Variants in VAV3 observed in about 807,000 individuals in gnomAD.
VAV3 encodes guanine nucleotide exchange factor VAV3.
VAV3 carries 94 observed loss-of-function variants against 131.2 expected under a neutral mutation model. That is an observed-to-expected ratio of 0.72 (90% confidence interval 0.61 to 0.85). The LOEUF (loss-of-function observed/expected upper bound fraction) is 0.85, where lower values mean the gene tolerates loss of function less well. Ranked by LOEUF, VAV3 falls within the 40% of genes least tolerant of loss-of-function variation. The pLI is 0.00. For missense variants in VAV3, 939 were observed against 1,002.7 expected (o/e 0.94, Z 0.86); for synonymous variants, 349 against 342.0 (o/e 1.02, Z -0.22).
At chr1:107,675,829 CAG>C (rs1372118269) in intron 19 of VAV3, among the ~76,000 whole-genome samples, 5 of 152,206 alleles carry the variant, frequency 3.3e-5, no homozygotes, top group Non-Finnish European at 5.9e-5. Flanking sequence ...GGTACCATGA[CAG>C]GGCTACAAGA....
At chr1:107,655,271 C>G (rs1200094874) in intron 19 of VAV3, among the ~76,000 whole-genome samples, 2 of 152,036 alleles carry the variant, frequency 1.3e-5, no homozygotes, top group Non-Finnish European at 2.9e-5. Flanking sequence ...GGCATAAAAA[C>G]AGACACATAG....
intron 2 of VAV3, among the ~76,000 whole-genome samples, chr1:107,830,370 T>C (rs1182550294): frequency 6.6e-6 from 1 of 151,896 alleles, no homozygotes; most frequent in Non-Finnish European, 1.5e-5. Context: ...GATCAGCCAA[T>C]TTGTTTTAAA....
chr1:107,962,676 G>A (rs1338488670), intron 1 of VAV3, among the ~76,000 whole-genome samples: 3 of 152,196 alleles, frequency 2.0e-5, no homozygotes, highest in Admixed American at 1.3e-4. Flanking sequence ...ACCAGGCTCA[G>A]GTACTAGCCT....
At chr1:107,584,959 T>C (rs143051084) in intron 25 of VAV3, among the ~76,000 whole-genome samples, 11 of 152,268 alleles carry the variant, frequency 7.2e-5, no homozygotes, top group South Asian at 2.1e-4. Context: ...TAAGATATCA[T>C]AGGAGATATA....
At chr1:107,613,849 A>AT (rs892404702) in intron 21 of VAV3, among the ~76,000 whole-genome samples, 14 of 151,986 alleles carry the variant, frequency 9.2e-5, no homozygotes, top group Non-Finnish European at 2.1e-4. Context: ...ATGTGGAATA[A>AT]TTTTTTTAAT....
At chr1:107,800,935 G>A (rs549089211) in intron 2 of VAV3, among the ~76,000 whole-genome samples, 18 of 152,140 alleles carry the variant, frequency 1.2e-4, no homozygotes, top group Admixed American at 5.9e-4. Flanking sequence ...TGTTTTCTTC[G>A]AGTAGTTTCA....
intron 1 of VAV3, among the ~76,000 whole-genome samples, chr1:107,946,099 T>C (rs2101305161): frequency 6.6e-6 from 1 of 152,176 alleles, no homozygotes; most frequent in African/African-American, 2.4e-5. Flanking sequence ...ATAAGATTAA[T>C]GTTTTGGCTA....
At chr1:107,657,877 A>G (rs748173909) in intron 19 of VAV3, among the ~76,000 whole-genome samples, 1 of 152,254 alleles carries the variant, frequency 6.6e-6, no homozygotes, top group Non-Finnish European at 1.5e-5. Context: ...CAACTTAATC[A>G]TTAGTACAGT....
Position 107,587,300 on chromosome 1 carries a change from C to T in VAV3, c.2350+8912G>A, listed in dbSNP as rs370205249. On this transcript the variant is annotated intron_variant, in intron 25 of 26. Transcript: ENST00000370056. ...AGCAAGAGAGCTGCAGAGTTAAAAC[C>T]TGCTACCTTATGCAGATTTGGGATT... Among the ~76,000 whole-genome samples, 13 of 152,278 alleles carry T rather than the reference C, an allele frequency of 8.5e-5. No individual in the cohort carries two copies. The East Asian group carries it at 2.3e-3, about 27-fold the overall frequency.
rs551962088 is a variant in VAV3, at chr1:107,633,234, GA to G, written c.1914+9384del. On this transcript the variant is annotated intron_variant, in intron 20 of 26. Coordinates refer to ENST00000370056, the MANE Select transcript of VAV3 (RefSeq NM_006113.5). ...TAAGTTTTACAAATCTAAGGTTTAA[GA>G]AAAAAAAGATGAAAAGAAACAGAGC... Among the ~76,000 whole-genome samples the G allele has an allele frequency of 3.1e-3, 471 of 151,906 alleles. 2 individuals carry two copies. Among genetic ancestry groups the G allele is most frequent in the African/African-American group, 0.011 (438 of 41,458 alleles).
chr1:107,936,987 G>A (rs1233415136), intron 1 of VAV3, among the ~76,000 whole-genome samples: 1 of 152,058 alleles, frequency 6.6e-6, no homozygotes, highest in Non-Finnish European at 1.5e-5. Context: ...AAGACTACGG[G>A]AAATGGGAGG....
intron 1 of VAV3, among the ~76,000 whole-genome samples, chr1:107,893,819 T>C (rs975292264): frequency 6.6e-6 from 1 of 152,214 alleles, no homozygotes; most frequent in African/African-American, 2.4e-5. Flanking sequence ...GCATTAAATA[T>C]GGCATTGTTC....
intron 2 of VAV3, among the ~76,000 whole-genome samples, chr1:107,793,502 C>A (rs1042214489): frequency 1.3e-5 from 2 of 152,098 alleles, no homozygotes; most frequent in Non-Finnish European, 2.9e-5. Context: ...CTGCAGTATC[C>A]GCAGCACCTA....
chr1:107,871,505 T>TAA (rs35912633), intron 2 of VAV3, among the ~76,000 whole-genome samples: 9 of 148,934 alleles, frequency 6.0e-5, no homozygotes, highest in Non-Finnish European at 7.4e-5. Flanking sequence ...CCTGTGTGAT[T>TAA]AAAAAAAAAA....
intron 2 of VAV3, among the ~76,000 whole-genome samples, chr1:107,863,063 A>G (rs1257599550): frequency 6.6e-6 from 1 of 152,192 alleles, no homozygotes; most frequent in African/African-American, 2.4e-5. Flanking sequence ...GTTGTAAAAT[A>G]TACATAAATT....
intron 2 of VAV3, among the ~76,000 whole-genome samples, chr1:107,874,655 C>G (rs2101019272): frequency 6.6e-6 from 1 of 152,200 alleles, no homozygotes. Flanking sequence ...ATTTTAATTA[C>G]AAAATAATTC....
Position 107,765,059 on chromosome 1 carries a change from T to C in VAV3, c.921+17A>G. Reference sequence around the variant, plus strand: ...GTTTATTTTGCTTTATGTCATAAACTAAAAATAAATAGGCACCTCTAATTT... The same window carrying C: ...GTTTATTTTGCTTTATGTCATAAACCAAAAATAAATAGGCACCTCTAATTT... On this transcript the variant is annotated intron_variant, in intron 9 of 26. Coordinates refer to ENST00000370056, the MANE Select transcript of VAV3 (RefSeq NM_006113.5). 1 of 1,585,636 alleles carries C rather than the reference T, an allele frequency of 6.3e-7. No individual in the cohort carries two copies.
intron 1 of VAV3, among the ~76,000 whole-genome samples, chr1:107,955,785 A>T (rs1012661366): frequency 2.6e-5 from 4 of 152,222 alleles, no homozygotes; most frequent in Admixed American, 6.5e-5. Flanking sequence ...GAGATGAAGC[A>T]GCACAAGACC....
chr1:107,628,158 G>A (rs1382991037), intron 20 of VAV3, among the ~76,000 whole-genome samples: 1 of 152,296 alleles, frequency 6.6e-6, no homozygotes, highest in East Asian at 1.9e-4. Context: ...AAACCAGGAA[G>A]AGGGTAACAT....
Sources: allele counts gnomAD v4.1 joint callset (sites outside exome capture counted in the v4.1 genomes callset), GRCh38; gene constraint gnomAD v4.1.1; transcripts MANE v1.5; gene names NCBI Gene and HGNC (gene_info 2026-07-23, HGNC 2026-07-21).